The following TSPAN18 variants were observed in gnomAD, a reference collection of about 807,000 sequenced individuals.
TSPAN18 encodes tetraspanin-18.
Under a neutral mutation model 27.3 loss-of-function variants are expected in TSPAN18, and 14 were observed. That is an observed-to-expected ratio of 0.51 (90% CI 0.34 to 0.80). The LOEUF (loss-of-function observed/expected upper bound fraction) is 0.80, where lower values mean the gene tolerates loss of function less well. TSPAN18 is among the 30% of genes least tolerant of loss of function. The probability of loss-of-function intolerance (pLI) is 0.01; values close to 1 mark genes in which losing one functional copy is unlikely to be tolerated. For missense variants in TSPAN18, 268 were observed against 323.9 expected (o/e 0.83, Z 1.32); for synonymous variants, 143 against 136.5 (o/e 1.05, Z -0.33).
chr11:44,878,104 C>G (rs1262964924), intron 3 of TSPAN18, among the ~76,000 whole-genome samples: 1 of 152,030 alleles, frequency 6.6e-6, no homozygotes, highest in African/African-American at 2.4e-5. Flanking sequence ...TTCAGCCATG[C>G]TTCCGGCCCC....
intron 3 of TSPAN18, among the ~76,000 whole-genome samples, chr11:44,898,709 G>A (rs1859152703): frequency 6.6e-6 from 1 of 152,178 alleles, no homozygotes; most frequent in East Asian, 1.9e-4. Context: ...TTTTATAACA[G>A]ACCCACTCTC....
At chr11:44,865,079 G>A (rs1250899317) in intron 3 of TSPAN18, among the ~76,000 whole-genome samples, 1 of 152,196 alleles carries the variant, frequency 6.6e-6, no homozygotes, top group East Asian at 1.9e-4. Context: ...GTGACAATTT[G>A]ATTTTGGCTC....
intron 1 of TSPAN18, among the ~76,000 whole-genome samples, chr11:44,761,401 G>C (rs1855452137): frequency 6.6e-6 from 1 of 152,334 alleles, no homozygotes; most frequent in Admixed American, 6.5e-5. Context: ...GAGAGGAGGG[G>C]ACTGCAATGA....
chr11:44,731,286 C>T (rs1001256174), intron 1 of TSPAN18, among the ~76,000 whole-genome samples: 57 of 152,094 alleles, frequency 3.7e-4, no homozygotes, highest in African/African-American at 1.4e-3. Context: ...GGCAGCAGTG[C>T]GTGGTGGTTA....
At chr11:44,840,298 C>G (rs1349226772) in intron 2 of TSPAN18, among the ~76,000 whole-genome samples, 2 of 152,142 alleles carry the variant, frequency 1.3e-5, no homozygotes, top group Non-Finnish European at 2.9e-5. Flanking sequence ...AGGGTCTTTG[C>G]CCATTTCCGC....
In TSPAN18 at chr11:44,868,797, C is replaced by T. The variant is rs141704523; in HGVS notation, c.-11+8328C>T. Among the ~76,000 whole-genome samples, 1,090 of 152,334 alleles carry T rather than the reference C, an allele frequency of 7.2e-3. 21 individuals are homozygous for T. The highest frequency in any genetic ancestry group is 0.022 in the African/African-American group (935 of 41,586). On this transcript the variant is annotated intron_variant, in intron 3 of 9. Coordinates refer to ENST00000520358, the MANE Select transcript of TSPAN18 (RefSeq NM_130783.5). ...GCCCACACCAGGGCAGAAAGTGAGG[C>T]AGGTCTGAAATAGGCCGCTGGCTGG...
intron 3 of TSPAN18, among the ~76,000 whole-genome samples, chr11:44,886,821 C>T (rs966237765): frequency 3.9e-5 from 6 of 152,196 alleles, no homozygotes; most frequent in Admixed American, 6.5e-5. Context: ...AGTTCATTCA[C>T]GCAGGAAAGT....
At chr11:44,739,547 C>A (rs1455431993) in intron 1 of TSPAN18, among the ~76,000 whole-genome samples, 1 of 152,150 alleles carries the variant, frequency 6.6e-6, no homozygotes, top group African/African-American at 2.4e-5. Flanking sequence ...TCACTTGAAC[C>A]CGGGAGGCAG....
chr11:44,776,716 G>A (rs957170350), intron 2 of TSPAN18, among the ~76,000 whole-genome samples: 13 of 151,328 alleles, frequency 8.6e-5, no homozygotes, highest in South Asian at 8.3e-4. Context: ...TCAGTTCCCC[G>A]TCTATAAAGT....
chr11:44,740,266 AC>A (rs1275061224), intron 1 of TSPAN18, among the ~76,000 whole-genome samples: 1 of 152,190 alleles, frequency 6.6e-6, no homozygotes, highest in Non-Finnish European at 1.5e-5. Context: ...AGGATGTGTG[AC>A]CGGGAGACCC....
chr11:44,821,810 A>G (rs1202235581), intron 2 of TSPAN18, among the ~76,000 whole-genome samples: 2 of 152,228 alleles, frequency 1.3e-5, no homozygotes, highest in Non-Finnish European at 1.5e-5. Flanking sequence ...CCCTCAAGGT[A>G]GTAGAAAGAG....
intron 2 of TSPAN18, among the ~76,000 whole-genome samples, chr11:44,802,689 G>A (rs1856509640): frequency 6.6e-6 from 1 of 151,850 alleles, no homozygotes. Context: ...TGGGGCTGCA[G>A]GTGGTAAAGG....
In TSPAN18 at chr11:44,880,010, C is replaced by T. The variant is rs141155824; in HGVS notation, c.-11+19541C>T. Among the ~76,000 whole-genome samples, 850 of 152,336 alleles carry T rather than the reference C, an allele frequency of 5.6e-3. 7 individuals are homozygous for T. The highest frequency in any genetic ancestry group is 0.02 in the African/African-American group (818 of 41,580). On this transcript the variant is annotated intron_variant, in intron 3 of 9. Coordinates refer to ENST00000520358, the MANE Select transcript of TSPAN18 (RefSeq NM_130783.5). ...TTCAGCCCAGACAGCTGAGCCTCAC[C>T]GCACCAAGGAGGCGACGCTGGGGGG... is the stretch of plus-strand genomic sequence containing the variant.
intron 2 of TSPAN18, among the ~76,000 whole-genome samples, chr11:44,775,173 C>T (rs1250076616): frequency 6.6e-6 from 1 of 152,166 alleles, no homozygotes; most frequent in Non-Finnish European, 1.5e-5. Context: ...TCTGGACTTC[C>T]TATAGACAAT....
intron 2 of TSPAN18, among the ~76,000 whole-genome samples, chr11:44,765,941 C>T (rs531080008): frequency 3.2e-4 from 49 of 152,298 alleles, no homozygotes; most frequent in Middle Eastern, 3.4e-3. Flanking sequence ...TTGGGGAAGA[C>T]GAGGAAGACT....
chr11:44,888,589 G>A lies in TSPAN18; in HGVS notation c.-10-17818G>A, dbSNP rs546111476. Among the ~76,000 whole-genome samples, 22 of 152,258 alleles carry A rather than the reference G, an allele frequency of 1.4e-4. No homozygotes were observed. In the South Asian group the frequency reaches 4.6e-3, roughly 32 times the overall value. ...CCAGAGTCACCTTTCCCTGGGGCTG[G>A]GCTTGGCTTGGGCTGCATTTGGAGG... On this transcript the variant is annotated intron_variant, in intron 3 of 9. Transcript: ENST00000520358.
intron 2 of TSPAN18, among the ~76,000 whole-genome samples, chr11:44,800,765 G>T (rs1037732976): frequency 6.6e-6 from 1 of 152,228 alleles, no homozygotes; most frequent in Admixed American, 6.5e-5. Context: ...TTGGGGACAG[G>T]TGGGGGCAGG....
chr11:44,888,514 G>A (rs1169922090), intron 3 of TSPAN18, among the ~76,000 whole-genome samples: 1 of 152,124 alleles, frequency 6.6e-6, no homozygotes, highest in Admixed American at 6.5e-5. Flanking sequence ...AAACAGTCCC[G>A]ATCACCAAAG....
chr11:44,815,437 G>T (rs1856800727), intron 2 of TSPAN18, among the ~76,000 whole-genome samples: 1 of 152,182 alleles, frequency 6.6e-6, no homozygotes, highest in African/African-American at 2.4e-5. Context: ...GGCCGGATGG[G>T]GGCACCCTCA....
Sources: gnomAD v4.1 joint callset for allele counts (sites outside exome capture counted in the v4.1 genomes callset) on GRCh38, gnomAD v4.1.1 for gene constraint, MANE v1.5 for transcripts, NCBI Gene and HGNC (gene_info 2026-07-23, HGNC 2026-07-21) for gene names.